The following ACTG2 variants were observed in gnomAD, a reference collection of about 807,000 sequenced individuals.
ACTG2 encodes actin, gamma-enteric smooth muscle.
A neutral mutation model predicts 37.6 loss-of-function variants in ACTG2; 16 were observed. The ratio of observed to expected loss-of-function variants is 0.43; its 90% CI spans 0.29 to 0.65. The LOEUF (loss-of-function observed/expected upper bound fraction) is 0.65. Ranked by LOEUF, ACTG2 falls within the 30% of genes least tolerant of loss-of-function variation. ACTG2 has a pLI of 0.18. For synonymous variants in ACTG2, 181 were observed against 179.9 expected (o/e 1.01, Z -0.05); for missense variants, 238 against 490.9 (o/e 0.48, Z 4.87).
chr2:73,901,327 A>G lies in ACTG2; in HGVS notation c.16A>G (p.Thr6Ala), dbSNP rs1010567857. The change falls in exon 2 of 9, where the codon ACC becomes GCC. Residue 6 changes from threonine to alanine, a missense_variant. By Grantham distance (58) the Thr-to-Ala change is moderately conservative (BLOSUM62 0). Transcript: ENST00000345517. The part of the protein sequence containing the change: MCEEE[T>A]TALVCDNGSG... ...CACACACACCATGTGTGAAGAGGAG[A>G]CCACCGCGCTCGTGTGTGACAATGG... 1 of 1,609,160 alleles carries G rather than the reference A, an allele frequency of 6.2e-7. No homozygotes were observed. The highest frequency in any genetic ancestry group is 8.5e-7 in the Non-Finnish European group (1 of 1,176,828).
chr2:73,915,788 C>G (rs553690991), intron 7 of ACTG2, among the ~76,000 whole-genome samples: 1 of 152,202 alleles, frequency 6.6e-6, no homozygotes, highest in East Asian at 1.9e-4. Context: ...CACAGAAGAC[C>G]ATATGGTGTA....
chr2:73,908,264 A>C (rs765331711), intron 3 of ACTG2: 1 of 471,166 alleles, frequency 2.1e-6, no homozygotes, highest in South Asian at 1.5e-5. Flanking sequence ...ATAGACCCTG[A>C]CTTCTTTTGC....
rs189228788 is a variant in ACTG2, at chr2:73,907,284, G to A, written c.256-1389G>A. On this transcript the variant is annotated intron_variant, in intron 3 of 8. Coordinates refer to ENST00000345517, the MANE Select transcript of ACTG2 (RefSeq NM_001615.4). ...ATCTGCCCTCATCACACTTACCACC[G>A]TCTTAGCACAAACCTGGCGGTCCAT... Among the ~76,000 whole-genome samples, 30 of 152,052 alleles carry A rather than the reference G, an allele frequency of 2.0e-4. No homozygotes were observed. In the East Asian group the frequency reaches 5.6e-3, roughly 28 times the overall value.
At chr2:73,908,214 C>A (rs1159887653) in intron 3 of ACTG2, 2 of 464,302 alleles carry the variant, frequency 4.3e-6, no homozygotes, top group Non-Finnish European at 8.9e-6. Flanking sequence ...GGCTGCCCAA[C>A]AGGAACTGTG....
At chr2:73,913,687 C>T in intron 6 of ACTG2, 41 bp downstream of exon 6, 1 of 1,555,840 alleles carries the variant, frequency 6.4e-7, no homozygotes, top group Non-Finnish European at 8.8e-7. Context: ...AGCTCAGAAC[C>T]AATCTGGTTT....
chr2:73,897,638 A>G (rs942283546), intron 1 of ACTG2, among the ~76,000 whole-genome samples: 2 of 152,200 alleles, frequency 1.3e-5, no homozygotes, highest in African/African-American at 4.8e-5. Context: ...TTGAACACCT[A>G]CTGTCTTAAT....
chr2:73,908,806 A>T (rs777098845), intron 4 of ACTG2, 23 bp downstream of exon 4: 21 of 1,563,590 alleles, frequency 1.3e-5, no homozygotes, highest in Non-Finnish European at 1.4e-5. Context: ...GAAGACTTGA[A>T]CACTGGCATA....
intron 1 of ACTG2, among the ~76,000 whole-genome samples, chr2:73,897,733 G>C (rs1482066231): frequency 6.6e-6 from 1 of 152,210 alleles, no homozygotes; most frequent in Non-Finnish European, 1.5e-5. Context: ...TGGAGGCTGG[G>C]ACATCCAAGA....
At chr2:73,916,311 G>T (rs1726027) in intron 7 of ACTG2, among the ~76,000 whole-genome samples, 79,007 of 150,698 alleles carry the variant, frequency 0.52, 22,353 homozygotes, top group Non-Finnish European at 0.62. Flanking sequence ...GGGATCAGAG[G>T]TTGCAGTGAG....
chr2:73,906,180 G>C (rs1355180146), intron 3 of ACTG2, among the ~76,000 whole-genome samples: 1 of 151,966 alleles, frequency 6.6e-6, no homozygotes, highest in Non-Finnish European at 1.5e-5. Context: ...GGCCGGGCGC[G>C]GTGGCTCACG....
intron 6 of ACTG2, 140 bp downstream of exon 6, chr2:73,913,786 G>A (rs1680195543): frequency 4.3e-6 from 3 of 701,204 alleles, no homozygotes; most frequent in South Asian, 2.2e-5. Flanking sequence ...TTAAGCTGGG[G>A]CTAGGCCTCT....
chr2:73,908,593 T>G (rs1485446172), intron 3 of ACTG2, 80 bp from the exon 4 acceptor site: 17 of 1,216,260 alleles, frequency 1.4e-5, no homozygotes, highest in Non-Finnish European at 1.9e-5. Context: ...GGTGCCACAC[T>G]CTCCCAGCAT....
Position 73,914,870 on chromosome 2 carries a change from T to G in ACTG2, c.804T>G (p.Ile268Met). ...AGACCCTCTTCCAGCCTTCCTTTATTGGTGAGGTGCTGCCCACAGTCCCTG... is the reference window on the plus strand; with the variant it reads ...AGACCCTCTTCCAGCCTTCCTTTATGGGTGAGGTGCTGCCCACAGTCCCTG... Reference protein sequence around the residue: ...CPETLFQPSFIGMESAGIHET... With the variant: ...CPETLFQPSFMGMESAGIHET... The change falls in exon 7 of 9, where the codon ATT becomes ATG. Residue 268 changes from isoleucine to methionine, a missense_variant and splice_region_variant. By Grantham distance (10) the Ile-to-Met change is conservative. Coordinates refer to ENST00000345517, the MANE Select transcript of ACTG2 (RefSeq NM_001615.4). The G allele has an allele frequency of 6.3e-7, 1 of 1,576,198 alleles. No homozygotes were observed. The highest frequency in any genetic ancestry group is 8.7e-7 in the Non-Finnish European group (1 of 1,155,144).
intron 1 of ACTG2, among the ~76,000 whole-genome samples, chr2:73,894,273 G>A (rs549062179): frequency 1.3e-5 from 2 of 152,246 alleles, no homozygotes; most frequent in Non-Finnish European, 2.9e-5. Flanking sequence ...CTTTGTACAG[G>A]GAGGCTCTAA....
chr2:73,896,282 C>A (rs1301548360), intron 1 of ACTG2, among the ~76,000 whole-genome samples: 1 of 150,592 alleles, frequency 6.6e-6, no homozygotes, highest in African/African-American at 2.4e-5. Flanking sequence ...GGAGTTCAAG[C>A]CTGCAGTGAG....
At chr2:73,899,386 T>C (rs13410730) in intron 1 of ACTG2, among the ~76,000 whole-genome samples, 6,534 of 152,138 alleles carry the variant, frequency 0.043, 458 homozygotes, top group African/African-American at 0.15. Flanking sequence ...CGCTTGGGCC[T>C]GGGAGGTCGA....
At chr2:73,894,496 C>T (rs1362440694) in intron 1 of ACTG2, among the ~76,000 whole-genome samples, 2 of 152,200 alleles carry the variant, frequency 1.3e-5, no homozygotes, top group Admixed American at 1.3e-4. Context: ...CTTGTTCATT[C>T]TGCCAACATT....
At chr2:73,914,581 T>G (rs1294971817) in intron 6 of ACTG2, 99 bp from the exon 7 acceptor site, 15 of 614,282 alleles carry the variant, frequency 2.4e-5, no homozygotes, top group Non-Finnish European at 3.4e-5. Context: ...AAAAAAAGAA[T>G]AAAGTAGATG....
At chr2:73,914,034 G>T (rs1349112108) in intron 6 of ACTG2, among the ~76,000 whole-genome samples, 1 of 152,130 alleles carries the variant, frequency 6.6e-6, no homozygotes, top group Non-Finnish European at 1.5e-5. Context: ...TTTTTTAGGT[G>T]GGAGCCTCTC....
Sources: gnomAD v4.1 joint callset for allele counts (sites outside exome capture counted in the v4.1 genomes callset) on GRCh38, gnomAD v4.1.1 for gene constraint, MANE v1.5 for transcripts, NCBI Gene and HGNC (gene_info 2026-07-23, HGNC 2026-07-21) for gene names.